The following COPS7B variants were observed in gnomAD, a reference collection of about 807,000 sequenced individuals.
COPS7B encodes the protein COP9 signalosome subunit 7B.
Under a neutral mutation model 33.4 loss-of-function variants are expected in COPS7B, and 9 were observed. That is an observed-to-expected ratio of 0.27 (90% CI 0.16 to 0.47). The LOEUF (loss-of-function observed/expected upper bound fraction) is 0.47, where lower values mean the gene tolerates loss of function less well. Among genes scored for constraint, COPS7B ranks in the 20% least tolerant of loss-of-function variants. COPS7B has a pLI of 0.99. For missense variants in COPS7B, 242 were observed against 318.2 expected, an observed-to-expected ratio of 0.76 and a Z score of 1.82; for synonymous variants, 119 against 126.3, an observed-to-expected ratio of 0.94 and a Z score of 0.39.
At chr2:231,798,782 TG>T in intron 5 of COPS7B, 76 bp from the exon 6 acceptor site, 1 of 1,188,110 alleles carries the variant, frequency 8.4e-7, no homozygotes, top group Non-Finnish European at 1.2e-6. Context: ...GGAGAGCTGT[TG>T]GGGAAGAATA....
chr2:231,806,385 A>C lies in COPS7B; in HGVS notation c.637-1102A>C, dbSNP rs577547473. Among the ~76,000 whole-genome samples, 6 of 152,170 alleles carry C rather than the reference A, an allele frequency of 3.9e-5. No individual in the cohort carries two copies. The South Asian group carries it at 1.2e-3, about 32-fold the overall frequency. The stretch of plus-strand genomic sequence containing the variant: ...GACAACGTGGTGAAACCTTGTCTCT[A>C]CAAATAAGTTTTTAAAAATTAGCCA... On this transcript the variant is annotated intron_variant, in intron 6 of 6. Transcript: ENST00000350033.
At chr2:231,802,038 G>A (rs917306759) in intron 6 of COPS7B, among the ~76,000 whole-genome samples, 1 of 152,092 alleles carries the variant, frequency 6.6e-6, no homozygotes, top group Non-Finnish European at 1.5e-5. Flanking sequence ...GTCTCCCAAA[G>A]TGCTGAGATT....
At chr2:231,798,225 A>G (rs2049631710) in intron 5 of COPS7B, among the ~76,000 whole-genome samples, 1 of 144,836 alleles carries the variant, frequency 6.9e-6, no homozygotes, top group South Asian at 2.2e-4. Context: ...AGGATTACTC[A>G]GTGCCATCTA....
Position 231,798,922 on chromosome 2 carries a change from C to T in COPS7B, c.594C>T (p.Tyr198=), listed in dbSNP as rs1298140178. ...IEQQVLRANQ[Y]KENHNRTQQQ... ...AGCAAGTTCTGAGAGCCAACCAGTACAAAGAGAACCACAACCGAACTCAGC... is the reference window on the plus strand; with the variant it reads ...AGCAAGTTCTGAGAGCCAACCAGTATAAAGAGAACCACAACCGAACTCAGC... The change falls in exon 6 of 7, where the codon TAC becomes TAT. Residue 198 remains tyrosine (Y), a synonymous_variant. Transcript: ENST00000350033. 1 of 1,614,018 alleles carries T rather than the reference C, an allele frequency of 6.2e-7. No homozygotes were observed. The highest frequency in any genetic ancestry group is 8.5e-7 in the Non-Finnish European group (1 of 1,180,012).
intron 5 of COPS7B, among the ~76,000 whole-genome samples, chr2:231,797,925 T>C (rs1490393583): frequency 6.6e-6 from 1 of 152,230 alleles, no homozygotes. Flanking sequence ...TTTGCTCTTG[T>C]TGCCCAGGCT....
chr2:231,807,722 C>A lies in COPS7B; in HGVS notation c.*77C>A. 7.4e-7 allele frequency: 1 copy of A among 1,359,200 alleles called. No individual in the cohort carries two copies. Among genetic ancestry groups the A allele is most frequent in the Non-Finnish European group, 9.9e-7 (1 of 1,008,266 alleles). The allele number at this position is 1,359,200 out of a possible 1,614,324, so 84.2% of individuals were successfully genotyped here. A position where few individuals can be genotyped will look rare whatever the true frequency, so the allele number is the denominator to read the frequency against. On this transcript the variant is annotated 3_prime_UTR_variant, in exon 7 of 7. Coordinates refer to ENST00000350033, the MANE Select transcript of COPS7B (RefSeq NM_022730.4). ...ACACCAAGGGCCCATTTCCTCCCCT[C>A]TCTACCTGCAGTGAGTTCCAGACCT...
Position 231,808,365 on chromosome 2 carries a change from C to G in COPS7B, c.*720C>G, listed in dbSNP as rs1423296898. ...ATGGTTCCTTCCGGCTTGGCGTTCT[C>G]TCCTGGCCACTCTTCCTGCTGCCTC... On this transcript the variant is annotated 3_prime_UTR_variant, in exon 7 of 7. Coordinates refer to ENST00000350033, the MANE Select transcript of COPS7B (RefSeq NM_022730.4). 2.2e-6 allele frequency: 1 copy of G among 461,258 alleles called. No homozygotes were observed. The highest frequency in any genetic ancestry group is 4.5e-6 in the Non-Finnish European group (1 of 221,942). The allele number at this position is 461,258 out of a possible 1,614,324, so 28.6% of individuals were successfully genotyped here. A position where few individuals can be genotyped will look rare whatever the true frequency, so the allele number is the denominator to read the frequency against.
At position 231,808,680 on chromosome 2, in the gene COPS7B, T is replaced by G. The variant is rs1397489690; in HGVS notation, c.*1035T>G. ...AGGTTATATTTTAATTTTTTTTTTT[T>G]TGTACAGGTTCTGATTCTAATACAT... On this transcript the variant is annotated 3_prime_UTR_variant, in exon 7 of 7. Coordinates refer to ENST00000350033, the MANE Select transcript of COPS7B (RefSeq NM_022730.4). The G allele has an allele frequency of 3.1e-6, 1 of 321,174 alleles. No homozygotes were observed. Among genetic ancestry groups the G allele is most frequent in the East Asian group, 1.2e-4 (1 of 8,606 alleles). The allele number at this position is 321,174 out of a possible 1,614,324, so 19.9% of individuals were successfully genotyped here. A position where few individuals can be genotyped will look rare whatever the true frequency, so the allele number is the denominator to read the frequency against.
chr2:231,788,980 A>G (rs1198133699), intron 2 of COPS7B: 1 of 381,278 alleles, frequency 2.6e-6, no homozygotes, highest in African/African-American at 2.0e-5. Context: ...AAAAAGTCAA[A>G]TTGATCCTGA....
At chr2:231,798,075 C>T (rs369227081) in intron 5 of COPS7B, among the ~76,000 whole-genome samples, 15 of 150,932 alleles carry the variant, frequency 9.9e-5, no homozygotes, top group South Asian at 6.3e-4. Flanking sequence ...GTAGTAGAGA[C>T]GGGGTTTCTC....
chr2:231,789,022 C>T, intron 2 of COPS7B: 1 of 302,894 alleles, frequency 3.3e-6, no homozygotes, highest in South Asian at 4.2e-5. Flanking sequence ...TAAGCATGGG[C>T]TGTTTAATAG....
At chr2:231,796,440 C>T (rs549856958) in intron 5 of COPS7B, 132 bp downstream of exon 5, 27 of 707,880 alleles carry the variant, frequency 3.8e-5, no homozygotes, top group South Asian at 2.7e-4. Flanking sequence ...CTTAGTGAGC[C>T]GGAGAGTGGA....
intron 5 of COPS7B, among the ~76,000 whole-genome samples, chr2:231,797,751 T>G (rs769632473): frequency 4.6e-5 from 7 of 152,302 alleles, no homozygotes; most frequent in Middle Eastern, 3.4e-3. Context: ...GGGATATTCA[T>G]TGTAGTCTTT....
chr2:231,791,943 C>G, intron 3 of COPS7B, 135 bp downstream of exon 3: 1 of 771,616 alleles, frequency 1.3e-6, no homozygotes, highest in East Asian at 2.6e-5. Flanking sequence ...TTTGCTGTGC[C>G]CGGTGGGTGA....
upstream of COPS7B, among the ~76,000 whole-genome samples, chr2:231,782,100 T>G (rs1453151240): frequency 2.0e-5 from 3 of 152,142 alleles, no homozygotes; most frequent in Non-Finnish European, 4.4e-5. Context: ...TGTTGTTACG[T>G]ATGAGGAAAT....
intron 5 of COPS7B, 94 bp from the exon 6 acceptor site, chr2:231,798,765 A>C (rs2049654387): frequency 2.1e-6 from 2 of 971,828 alleles, no homozygotes; most frequent in Non-Finnish European, 3.2e-6. Context: ...TCCCTGTAAG[A>C]TACTGGGGAG....
upstream of COPS7B, among the ~76,000 whole-genome samples, chr2:231,783,948 C>T (rs6732581): frequency 0.3 from 46,121 of 152,020 alleles, 7,087 homozygotes; most frequent in Non-Finnish European, 0.33. Flanking sequence ...TAGTTCCGTG[C>T]TTTTTATTAT....
At chr2:231,790,167 A>G (rs1260719852) in intron 2 of COPS7B, 1 of 152,220 alleles carries the variant, frequency 6.6e-6, no homozygotes, top group Non-Finnish European at 1.5e-5. Context: ...ACCAAGGGGT[A>G]ATATGTTCCT....
intron 6 of COPS7B, among the ~76,000 whole-genome samples, chr2:231,800,863 C>G (rs1278229515): frequency 6.6e-6 from 1 of 152,214 alleles, no homozygotes. Context: ...GGTCTGTTCC[C>G]TGAGCATGGC....
Sources: gnomAD v4.1 joint callset for allele counts (sites outside exome capture counted in the v4.1 genomes callset) on GRCh38, gnomAD v4.1.1 for gene constraint, MANE v1.5 for transcripts, NCBI Gene and HGNC (gene_info 2026-07-23, HGNC 2026-07-21) for gene names.